MSH3: variants seen among roughly 807,000 people sequenced by gnomAD.
MSH3 encodes DNA mismatch repair protein Msh3.
Under a neutral mutation model 123.3 loss-of-function variants are expected in MSH3, and 106 were observed. That is an observed-to-expected ratio of 0.86 (90% CI 0.73 to 1.01). MSH3 has a LOEUF of 1.01. Ranked by LOEUF, MSH3 falls within the 50% of genes least tolerant of loss-of-function variation. MSH3 has a pLI of 0.00. For missense variants in MSH3, 1,459 were observed against 1,347.6 expected, an observed-to-expected ratio of 1.08 and a Z score of -1.29; for synonymous variants, 515 against 481.4, an observed-to-expected ratio of 1.07 and a Z score of -0.91.
At chr5:80,663,595 C>T (rs1458582374) in intron 2 of MSH3, among the ~76,000 whole-genome samples, 4 of 151,320 alleles carry the variant, frequency 2.6e-5, no homozygotes, top group African/African-American at 9.7e-5. Flanking sequence ...GTATAACATA[C>T]ACACTTATAG....
intron 20 of MSH3, among the ~76,000 whole-genome samples, chr5:80,853,483 A>G (rs962619120): frequency 6.6e-6 from 1 of 152,190 alleles, no homozygotes; most frequent in Non-Finnish European, 1.5e-5. Context: ...CCAAAAAAAA[A>G]AAAGCACAAT....
intron 3 of MSH3, among the ~76,000 whole-genome samples, chr5:80,665,713 A>C (rs1001980292): frequency 6.6e-6 from 1 of 152,230 alleles, no homozygotes; most frequent in Non-Finnish European, 1.5e-5. Flanking sequence ...ATTACCGTGG[A>C]AAATCATGAT....
At chr5:80,772,953 T>C (rs778586084) in intron 15 of MSH3, among the ~76,000 whole-genome samples, 1 of 152,096 alleles carries the variant, frequency 6.6e-6, no homozygotes, top group Non-Finnish European at 1.5e-5. Context: ...CTCGCTGTTT[T>C]CCCCCCTGCA....
At chr5:80,658,300 C>CT (rs1407139115) in intron 2 of MSH3, among the ~76,000 whole-genome samples, 1 of 152,144 alleles carries the variant, frequency 6.6e-6, no homozygotes, top group African/African-American at 2.4e-5. Context: ...CTCAAGTGAT[C>CT]TGCCCGCCTT....
chr5:80,730,534 G>T (rs1340454559), intron 10 of MSH3, among the ~76,000 whole-genome samples: 2 of 152,050 alleles, frequency 1.3e-5, no homozygotes, highest in African/African-American at 2.4e-5. Context: ...TGGCCAAAAT[G>T]TTTTATTTTA....
At position 80,740,451 on chromosome 5, in the gene MSH3, G is replaced by A. The variant is rs569522942; in HGVS notation, c.1569-1013G>A. Among the ~76,000 whole-genome samples, 111 of 149,910 alleles carry A rather than the reference G, an allele frequency of 7.4e-4. 1 individual carries two copies. Among genetic ancestry groups the A allele is most frequent in the African/African-American group, 2.5e-3 (103 of 40,858 alleles). Reference sequence around the variant, plus strand: ...TGGCTCACTGCAACCTCCGCCTCCCGGGTTCAAGCGATTCTCCTGCCTCAG... The same window carrying A: ...TGGCTCACTGCAACCTCCGCCTCCCAGGTTCAAGCGATTCTCCTGCCTCAG... On this transcript the variant is annotated intron_variant, in intron 10 of 23. Coordinates refer to ENST00000265081, the MANE Select transcript of MSH3 (RefSeq NM_002439.5).
intron 22 of MSH3, among the ~76,000 whole-genome samples, chr5:80,869,465 A>G (rs1176612821): frequency 6.6e-6 from 1 of 152,060 alleles, no homozygotes; most frequent in African/African-American, 2.4e-5. Context: ...TTCTGACTCC[A>G]TATTTCCATC....
intron 8 of MSH3, among the ~76,000 whole-genome samples, chr5:80,681,586 T>TAAATGGATAAA (rs1351489867): frequency 6.6e-6 from 1 of 151,766 alleles, no homozygotes; most frequent in African/African-American, 2.4e-5. Flanking sequence ...TAAATTATGA[T>TAAATGGATAAA]TTCCTGTCTT....
intron 9 of MSH3, among the ~76,000 whole-genome samples, chr5:80,728,235 A>C (rs1267545535): frequency 6.6e-6 from 1 of 152,198 alleles, no homozygotes; most frequent in Admixed American, 6.5e-5. Flanking sequence ...TGTTAAGAAT[A>C]CCCTGTAGGG....
intron 7 of MSH3, 30 bp downstream of exon 7, chr5:80,675,158 T>G (rs753475310): frequency 1.2e-6 from 2 of 1,610,588 alleles, no homozygotes; most frequent in Middle Eastern, 1.7e-4. Flanking sequence ...GGAACAAATG[T>G]TAGATGTTCA....
At chr5:80,784,229 A>AGG (rs1561477419) in intron 17 of MSH3, among the ~76,000 whole-genome samples, 1 of 138,214 alleles carries the variant, frequency 7.2e-6, no homozygotes, top group Non-Finnish European at 1.5e-5. Context: ...AAAAAAAAAA[A>AGG]AAAAAAAAAA....
intron 20 of MSH3, among the ~76,000 whole-genome samples, chr5:80,839,049 G>A (rs554766246): frequency 2.6e-5 from 4 of 152,272 alleles, no homozygotes; most frequent in South Asian, 4.1e-4. Flanking sequence ...TGTTTAAGAC[G>A]TGATCTGATG....
At chr5:80,685,201 C>CT (rs70991171) in intron 8 of MSH3, among the ~76,000 whole-genome samples, 275 of 107,626 alleles carry the variant, frequency 2.6e-3, no homozygotes, top group East Asian at 5.3e-3. Context: ...AAGTATTCTC[C>CT]TTTTTTTTTT....
intron 22 of MSH3, among the ~76,000 whole-genome samples, chr5:80,869,841 T>TACACACACACAC (rs35006113): frequency 0.01 from 1,357 of 132,492 alleles, 8 homozygotes; most frequent in Middle Eastern, 0.02. Context: ...TACATATATA[T>TACACACACACAC]ACACACACAC....
At chr5:80,769,121 A>G (rs1041862244) in intron 15 of MSH3, 118 bp downstream of exon 15, 1 of 897,408 alleles carries the variant, frequency 1.1e-6, no homozygotes, top group Non-Finnish European at 1.7e-6. Context: ...TTTCTGTTTT[A>G]TTCCTTGGAA....
chr5:80,678,881 G>A (rs778238873), intron 7 of MSH3, 46 bp from the exon 8 acceptor site: 1 of 1,602,442 alleles, frequency 6.2e-7, no homozygotes, highest in Admixed American at 1.7e-5. Context: ...GCCATAACTG[G>A]GGAAATACAT....
Position 80,746,787 on chromosome 5 carries a change from G to A in MSH3, c.1763+2172G>A, listed in dbSNP as rs146079541. 2.0e-3 allele frequency: 761 copies of A among 377,748 alleles called. 6 individuals carry two copies. Among genetic ancestry groups the A allele is most frequent in the African/African-American group, 0.014 (667 of 46,802 alleles). The allele number at this position is 377,748 out of a possible 1,614,324, so 23.4% of individuals were successfully genotyped here. On this transcript the variant is annotated intron_variant, in intron 12 of 23. Coordinates refer to ENST00000265081, the MANE Select transcript of MSH3 (RefSeq NM_002439.5). ...GGCAATTTCCACATCAAATATCTCC[G>A]CATCAAAACTCAGCATCTTAATTGA...
At chr5:80,870,986 G>A (rs1746203792) in intron 22 of MSH3, among the ~76,000 whole-genome samples, 1 of 152,138 alleles carries the variant, frequency 6.6e-6, no homozygotes, top group Non-Finnish European at 1.5e-5. Flanking sequence ...ATCCTGAGCT[G>A]CTTTAGCTTA....
chr5:80,874,572 CT>C, intron 23 of MSH3, among the ~76,000 whole-genome samples: 1 of 152,170 alleles, frequency 6.6e-6, no homozygotes, highest in African/African-American at 2.4e-5. Flanking sequence ...AAATTAAACT[CT>C]TTAGTTGCCA....
Sources: allele counts gnomAD v4.1 joint callset (sites outside exome capture counted in the v4.1 genomes callset), GRCh38; gene constraint gnomAD v4.1.1; transcripts MANE v1.5; gene names NCBI Gene and HGNC (gene_info 2026-07-23, HGNC 2026-07-21).